Variants in EVC2 observed in about 807,000 individuals in gnomAD.
The protein encoded by EVC2 is EvC ciliary complex subunit 2.
EVC2 carries 148 observed loss-of-function variants against 149.3 expected under a neutral mutation model. The ratio of observed to expected loss-of-function variants is 0.99; its 90% CI spans 0.87 to 1.14. EVC2 has a LOEUF of 1.14. EVC2 is among the 50% of genes most tolerant of loss of function. The probability of loss-of-function intolerance (pLI) is 0.00; values close to 1 mark genes in which losing one functional copy is unlikely to be tolerated. For missense variants in EVC2, 1,854 were observed against 1,627.3 expected, an observed-to-expected ratio of 1.14 and a Z score of -2.40; for synonymous variants, 776 against 649.9, an observed-to-expected ratio of 1.19 and a Z score of -2.95.
At chr4:5,566,058 G>T (rs183537131) in intron 20 of EVC2, among the ~76,000 whole-genome samples, 112 of 152,380 alleles carry the variant, frequency 7.4e-4, no homozygotes, top group African/African-American at 2.5e-3. Context: ...TAGTACCTAA[G>T]AGAGAGGACA....
chr4:5,653,564 A>G (rs1718291660), intron 9 of EVC2, among the ~76,000 whole-genome samples: 1 of 152,220 alleles, frequency 6.6e-6, no homozygotes, highest in Admixed American at 6.5e-5. Context: ...GGTCACGGTA[A>G]AAAGTCTTTT....
At chr4:5,543,320 T>C (rs1721552765) in intron 21 of EVC2, 1 of 523,544 alleles carries the variant, frequency 1.9e-6, no homozygotes. Context: ...AAACACACTC[T>C]TCCCTTCTTA....
rs557281483 is a variant in EVC2 at position 5,549,463 on chromosome 4, T to C, written c.3420-6251A>G. On this transcript the variant is annotated intron_variant and NMD_transcript_variant, in intron 21 of 22. Coordinates refer to the EVC2 transcript ENST00000475313. ...ATGCCCACATGTGCATCTCCCATTC[T>C]GCCACACAGATTTTCTTCATAGTGA... is the stretch of plus-strand genomic sequence containing the variant. 1.1e-4 allele frequency among the ~76,000 whole-genome samples: 17 copies of C among 152,356 alleles called. No individual in the cohort carries two copies. In the East Asian group the frequency reaches 3.1e-3, roughly 28 times the overall value.
intron 16 of EVC2, among the ~76,000 whole-genome samples, chr4:5,594,480 T>C (rs1376293288): frequency 4.6e-5 from 7 of 152,200 alleles, no homozygotes; most frequent in Admixed American, 6.5e-5. Context: ...AGTGGACCTC[T>C]AGCAAACTCC....
chr4:5,571,782 T>A (rs1422744850), intron 19 of EVC2, among the ~76,000 whole-genome samples: 1 of 152,204 alleles, frequency 6.6e-6, no homozygotes, highest in Non-Finnish European at 1.5e-5. Context: ...TTCCTCTTGT[T>A]GTTTCTGTGG....
In EVC2 at chr4:5,574,730, C is replaced by T. The variant is rs1006097259; in HGVS notation, c.3315G>A (p.Leu1105=). 3.1e-6 allele frequency: 5 copies of T among 1,614,096 alleles called. No homozygotes were observed. The highest frequency in any genetic ancestry group is 3.3e-4 in the Middle Eastern group (2 of 6,084). The change falls in exon 19 of 22, where the codon TTG becomes TTA. Residue 1105 remains leucine (L), a synonymous_variant. Transcript: ENST00000344408. ...EQQNSVVLED[L]LENMEADTFA... ...AGGTGTCTGCCTCCATGTTTTCCAA[C>T]AAGTCTTCTAGCACGACACTGTTCT...
At chr4:5,634,768 G>C (rs1716777154) in intron 10 of EVC2, among the ~76,000 whole-genome samples, 1 of 152,064 alleles carries the variant, frequency 6.6e-6, no homozygotes, top group African/African-American at 2.4e-5. Flanking sequence ...AGCAGGGGAG[G>C]CACACCCCTG....
rs2108843367 is a variant in EVC2, at chr4:5,625,877, T to C, written c.1918A>G (p.Met640Val). ...AGYLDEDQMEMLLERAQTEVF... is the reference protein window; with the variant it reads ...AGYLDEDQMEVLLERAQTEVF... ...TCTGTCTGAGCCCGCTCCAATAGCA[T>C]TTCCATTTGGTCTTCATCCAGGTAC... The change falls in exon 13 of 22, where the codon ATG becomes GTG. Residue 640 changes from methionine to valine, a missense_variant. Coordinates refer to ENST00000344408, the MANE Select transcript of EVC2 (RefSeq NM_147127.5). The surrounding 1 kb of genome is among the most constrained non-coding windows in gnomAD (Gnocchi z 4.0). 6.2e-7 allele frequency: 1 copy of C among 1,614,106 alleles called. No individual in the cohort carries two copies. The highest frequency in any genetic ancestry group is 1.6e-4 in the Middle Eastern group (1 of 6,062).
chr4:5,682,177 T>C (rs13140735), intron 6 of EVC2, among the ~76,000 whole-genome samples: 53,138 of 150,498 alleles, frequency 0.35, 9,724 homozygotes, highest in East Asian at 0.61. Flanking sequence ...GTAGTAACAT[T>C]AGCAGCAGCA....
At chr4:5,620,588 C>T (rs975984634) in intron 14 of EVC2, among the ~76,000 whole-genome samples, 8 of 152,124 alleles carry the variant, frequency 5.3e-5, no homozygotes, top group Admixed American at 4.6e-4. Context: ...CATAATGCCT[C>T]GGAAATAAAG....
At position 5,686,095 on chromosome 4, in the gene EVC2, T is replaced by TAC. The variant is rs67802779; in HGVS notation, c.707-618_707-617dup. Among the ~76,000 whole-genome samples, 418 of 13,262 alleles carry TAC rather than the reference T, an allele frequency of 0.032. 2 individuals are homozygous for TAC. Among genetic ancestry groups the TAC allele is most frequent in the East Asian group, 0.19 (88 of 456 alleles). 8.7% of individuals were successfully genotyped at this position (13,262 alleles called of 152,430 possible). On this transcript the variant is annotated intron_variant, in intron 5 of 21. Transcript: ENST00000344408. The surrounding 1 kb of genome is among the most constrained non-coding windows in gnomAD (Gnocchi z 5.4). Reference sequence around the variant, plus strand: ...AACATATATACACACACATATATATTACACACACACACACACACACACACA... The same window carrying TAC: ...AACATATATACACACACATATATATTACACACACACACACACACACACACACA...
intron 1 of EVC2, among the ~76,000 whole-genome samples, chr4:5,699,362 A>G (rs1721682935): frequency 6.6e-6 from 1 of 152,244 alleles, no homozygotes; most frequent in Non-Finnish European, 1.5e-5. Flanking sequence ...ATAGTAAATT[A>G]TGGTACAAAC....
At position 5,567,621 on chromosome 4, in the gene EVC2, C is replaced by G. The variant is rs1189688686; in HGVS notation, c.3557+823G>C. Among the ~76,000 whole-genome samples the G allele has an allele frequency of 6.6e-5, 10 of 152,100 alleles. No homozygotes were observed. Among genetic ancestry groups the G allele is most frequent in the African/African-American group, 2.4e-4 (10 of 41,428 alleles). On this transcript the variant is annotated intron_variant, in intron 20 of 21. Transcript: ENST00000344408. The surrounding 1 kb of genome is among the most constrained non-coding windows in gnomAD (Gnocchi z 4.4). ...CCCAAACCCGCCTTACTCCACACCC[C>G]TTCCTGCCTTTCCCCATAAAAAGCC...
At chr4:5,604,086 A>T (rs1398420317) in intron 16 of EVC2, among the ~76,000 whole-genome samples, 1 of 152,110 alleles carries the variant, frequency 6.6e-6, no homozygotes, top group African/African-American at 2.4e-5. Context: ...TGTGAAATGG[A>T]GATAGTAATA....
chr4:5,677,707 C>T lies in EVC2; in HGVS notation c.870+3553G>A, dbSNP rs934270120. ...CCTCCTCCTCCTGAGCAGCAATCAT[C>T]GTCATTGACGACAATAAGCTCAATC... On this transcript the variant is annotated intron_variant, in intron 7 of 21. Transcript: ENST00000344408. This position sits in a 1 kb window ranked among gnomAD's most constrained non-coding sequence, Gnocchi z 4.3. Among the ~76,000 whole-genome samples, 6 of 152,218 alleles carry T rather than the reference C, an allele frequency of 3.9e-5. No individual in the cohort carries two copies. The highest frequency in any genetic ancestry group is 7.2e-5 in the African/African-American group (3 of 41,462).
chr4:5,536,275 A>G, the EVC2 span, among the ~76,000 whole-genome samples: 1 of 152,122 alleles, frequency 6.6e-6, no homozygotes, highest in East Asian at 1.9e-4. Flanking sequence ...CCCCTCACCC[A>G]AGAGATATTT....
chr4:5,618,469 C>A lies in EVC2; in HGVS notation c.2706+9G>T. ...CTTCTGTAATCGGCCACTGACAGGT[C>A]CATCCTACCTGCAGCTCAGGGGCAG... is the stretch of plus-strand genomic sequence containing the variant. On this transcript the variant is annotated intron_variant, in intron 15 of 21. Transcript: ENST00000344408. This position sits in a 1 kb window ranked among gnomAD's most constrained non-coding sequence, Gnocchi z 4.4. 1.2e-6 allele frequency: 2 copies of A among 1,612,492 alleles called. No homozygotes were observed. Among genetic ancestry groups the A allele is most frequent in the South Asian group, 2.2e-5 (2 of 90,974 alleles).
In EVC2 at chr4:5,626,362, C is replaced by G. The variant is rs1716117217; in HGVS notation, c.1887-454G>C. 3.8e-5 allele frequency among the ~76,000 whole-genome samples: 5 copies of G among 131,338 alleles called. 1 individual carries two copies. In the South Asian group the frequency reaches 1.3e-3, roughly 33 times the overall value. The allele number at this position is 131,338 out of a possible 152,430, so 86.2% of individuals were successfully genotyped here. The stretch of plus-strand genomic sequence containing the variant: ...TTTTTTTTTTTTTTTGAGATGGAGT[C>G]TGGCTCTGTTGCCCAGGCTGGAGTG... On this transcript the variant is annotated intron_variant, in intron 12 of 21. Transcript: ENST00000344408.
At chr4:5,533,444 G>A in the EVC2 span, among the ~76,000 whole-genome samples, 1 of 152,194 alleles carries the variant, frequency 6.6e-6, no homozygotes, top group Non-Finnish European at 1.5e-5. Context: ...GGCAAGGAAT[G>A]GGTCCAGTTG....
Sources: allele counts gnomAD v4.1 joint callset (sites outside exome capture counted in the v4.1 genomes callset), GRCh38; gene constraint gnomAD v4.1.1; non-coding constraint Gnocchi (gnomAD v3.1); transcripts MANE v1.5; gene names NCBI Gene and HGNC (gene_info 2026-07-23, HGNC 2026-07-21).